Variants in ACAT2 observed in about 807,000 individuals in gnomAD.
The protein encoded by ACAT2 is acetyl-CoA acetyltransferase 2, also known as acetyl-CoA acetyltransferase, cytosolic.
A neutral mutation model predicts 37.1 loss-of-function variants in ACAT2; 26 were observed. The observed-to-expected ratio is 0.70, with a 90% CI of 0.51 to 0.97. The LOEUF (loss-of-function observed/expected upper bound fraction) is 0.97. Among genes scored for constraint, ACAT2 ranks in the 50% least tolerant of loss-of-function variants. ACAT2 has a pLI of 0.00. For missense variants in ACAT2, 468 were observed against 489.0 expected (o/e 0.96, Z 0.40); for synonymous variants, 156 against 163.6 (o/e 0.95, Z 0.35).
intron 2 of ACAT2, among the ~76,000 whole-genome samples, chr6:159,764,609 TA>T (rs1233770044): frequency 6.6e-6 from 1 of 152,108 alleles, no homozygotes; most frequent in African/African-American, 2.4e-5. Context: ...CACACCTGGC[TA>T]ATTTTTTAAA....
chr6:159,778,398 G>A (rs1234774306), intron 8 of ACAT2, 118 bp downstream of exon 8: 3 of 581,140 alleles, frequency 5.2e-6, no homozygotes, highest in South Asian at 2.6e-5. Context: ...TAGTTACTAG[G>A]ACTGAGTTCA....
At chr6:159,763,347 G>T (rs759581687) in intron 2 of ACAT2, among the ~76,000 whole-genome samples, 3 of 151,866 alleles carry the variant, frequency 2.0e-5, no homozygotes, top group Non-Finnish European at 2.9e-5. Context: ...GAGTCCAGAA[G>T]TTTGAGACTA....
At chr6:159,773,341 T>C (rs1780366717) in intron 4 of ACAT2, among the ~76,000 whole-genome samples, 2 of 152,152 alleles carry the variant, frequency 1.3e-5, no homozygotes, top group Non-Finnish European at 2.9e-5. Context: ...CTAGAAACAA[T>C]GACAAACCAG....
At position 159,768,591 on chromosome 6, in the gene ACAT2, T is replaced by G. The variant is rs1583127027; in HGVS notation, c.453T>G (p.Leu151=). 1.2e-6 allele frequency: 2 copies of G among 1,613,434 alleles called. No individual in the cohort carries two copies. The highest frequency in any genetic ancestry group is 1.7e-6 in the Non-Finnish European group (2 of 1,179,360). The change falls in exon 4 of 9, where the codon CTT becomes CTG. Residue 151 remains leucine, a synonymous_variant. Transcript: ENST00000367048. ...CTGACAGTATACTCTGTGATGGTCT[T>G]ACAGATGCATTTCACAACTGTCATA... ...PLTDSILCDG[L]TDAFHNCHMG... is the part of the protein sequence containing the mutation.
intron 4 of ACAT2, among the ~76,000 whole-genome samples, chr6:159,773,470 G>T (rs1212045600): frequency 1.3e-5 from 2 of 152,162 alleles, no homozygotes; most frequent in Non-Finnish European, 2.9e-5. Context: ...AAAAAATTAA[G>T]GACATGCTCA....
At chr6:159,762,532 GC>G (rs1780165413) in intron 1 of ACAT2, 1 of 1,304,938 alleles carries the variant, frequency 7.7e-7, no homozygotes, top group Non-Finnish European at 9.9e-7. Flanking sequence ...CCGGCTTTGG[GC>G]TGGGGTCGGG....
At position 159,778,878 on chromosome 6, in the gene ACAT2, A is replaced by G. The variant is rs1204584263; in HGVS notation, c.*49A>G. ...CAATTTCTTTTTAAACTAATAAAGT[A>G]CTAGGTTGCAATATGTGAAATCAGA... On this transcript the variant is annotated 3_prime_UTR_variant, in exon 9 of 9. Transcript: ENST00000367048. 3.7e-6 allele frequency: 6 copies of G among 1,610,020 alleles called. No individual in the cohort carries two copies. The highest frequency in any genetic ancestry group is 1.3e-5 in the African/African-American group (1 of 74,998).
rs781650973 is a variant in ACAT2 at position 159,778,995 on chromosome 6, G to A, written c.*166G>A. The A allele has an allele frequency of 6.9e-5, 109 of 1,581,788 alleles. No individual in the cohort carries two copies. The highest frequency in any genetic ancestry group is 9.0e-5 in the East Asian group (4 of 44,580). On this transcript the variant is annotated 3_prime_UTR_variant, in exon 9 of 9. Transcript: ENST00000367048. ...CTTTAATGTGTAATACTCAACTCAA[G>A]GTACAAGACAATTGCATTTAACATT...
chr6:159,767,135 G>T lies in ACAT2; in HGVS notation c.321G>T (p.Gly107=). The T allele has an allele frequency of 6.2e-7, 1 of 1,614,228 alleles. No individual in the cohort carries two copies. The highest frequency in any genetic ancestry group is 8.5e-7 in the Non-Finnish European group (1 of 1,180,032). ...TGTGCCTTGCAGTCCAGTCAATAGG[G>T]ATAGGAGACTCCAGCATTGTGGTTG... ...KAVCLAVQSI[G]IGDSSIVVAG... is the part of the protein sequence containing the mutation. Residue 107 remains glycine (G), a synonymous_variant, in exon 3 of 9, where the codon GGG becomes GGT. Coordinates refer to ENST00000367048, the MANE Select transcript of ACAT2 (RefSeq NM_005891.3).
At chr6:159,767,262 C>T in intron 3 of ACAT2, 76 bp downstream of exon 3, 1 of 1,471,960 alleles carries the variant, frequency 6.8e-7, no homozygotes, top group Non-Finnish European at 9.4e-7. Context: ...ACAGAGTAAA[C>T]AGATGCATAG....
intron 2 of ACAT2, 37 bp from the exon 3 acceptor site, chr6:159,766,968 C>T (rs1345680941): frequency 1.2e-6 from 2 of 1,609,566 alleles, no homozygotes; most frequent in Admixed American, 3.3e-5. Context: ...TGTCTTTCTC[C>T]TTGATTGCTA....
rs755181203 is a variant in ACAT2, at chr6:159,778,753, T to C, written c.1118T>C (p.Met373Thr). Residue 373 changes from methionine (M) to threonine (T), a missense_variant, in exon 9 of 9, where the codon ATG becomes ACG. Coordinates refer to ENST00000367048, the MANE Select transcript of ACAT2 (RefSeq NM_005891.3). ...LVTLLHTLER[M>T]GRSRGVAALC... ...ACCCTGTTACACACACTGGAGAGAATGGGCAGAAGTCGTGGTGTTGCAGCC... is the reference window on the plus strand; with the variant it reads ...ACCCTGTTACACACACTGGAGAGAACGGGCAGAAGTCGTGGTGTTGCAGCC... The C allele has an allele frequency of 2.5e-6, 4 of 1,614,226 alleles. No individual in the cohort carries two copies. Among genetic ancestry groups the C allele is most frequent in the Admixed American group, 3.3e-5 (2 of 60,028 alleles).
intron 3 of ACAT2, among the ~76,000 whole-genome samples, chr6:159,767,593 AG>A (rs1780274423): frequency 6.6e-6 from 1 of 152,230 alleles, no homozygotes; most frequent in African/African-American, 2.4e-5. Context: ...TGACCTTTTC[AG>A]GGTATAGAAC....
At chr6:159,773,407 G>A (rs1430472349) in intron 4 of ACAT2, among the ~76,000 whole-genome samples, 1 of 152,126 alleles carries the variant, frequency 6.6e-6, no homozygotes, top group Non-Finnish European at 1.5e-5. Context: ...CCACTAAAAG[G>A]AACTAAGGTT....
chr6:159,766,967 C>T (rs779908735), intron 2 of ACAT2, 38 bp from the exon 3 acceptor site: 1 of 1,609,462 alleles, frequency 6.2e-7, no homozygotes, highest in South Asian at 1.1e-5. Context: ...TTGTCTTTCT[C>T]CTTGATTGCT....
intron 5 of ACAT2, chr6:159,775,725 C>T (rs184359169): frequency 1.0e-5 from 2 of 198,274 alleles, no homozygotes; most frequent in Admixed American, 1.1e-4. Context: ...TTTGGGGTCA[C>T]TCGCTATTTT....
chr6:159,766,974 T>C (rs768054664), intron 2 of ACAT2, 31 bp from the exon 3 acceptor site: 4 of 1,610,530 alleles, frequency 2.5e-6, no homozygotes, highest in Non-Finnish European at 2.5e-6. Flanking sequence ...TCTCCTTGAT[T>C]GCTAAGAGTC....
chr6:159,767,946 T>G (rs1047457364), intron 3 of ACAT2, among the ~76,000 whole-genome samples: 1 of 152,204 alleles, frequency 6.6e-6, no homozygotes, highest in Non-Finnish European at 1.5e-5. Flanking sequence ...CATTCCCAGT[T>G]TACAGGTAAG....
In ACAT2 at chr6:159,778,214, A is replaced by C. The variant is rs1350512309; in HGVS notation, c.957A>C (p.Glu319Asp). Residue 319 changes from glutamate to aspartate, a missense_variant, in exon 8 of 9, where the codon GAA (glutamate) becomes GAC (aspartate). Physicochemically the swap from Glu to Asp is conservative, Grantham distance 45. Coordinates refer to ENST00000367048, the MANE Select transcript of ACAT2 (RefSeq NM_005891.3). ...GWSLEDVDIFEINEAFAAVSA... is the reference protein window; with the variant it reads ...GWSLEDVDIFDINEAFAAVSA... ...CACTGGAAGATGTTGACATATTTGA[A>C]ATCAATGAAGCCTTTGCAGCTGTCT... The C allele has an allele frequency of 6.2e-7, 1 of 1,612,890 alleles. No homozygotes were observed.
Sources: allele counts gnomAD v4.1 joint callset (sites outside exome capture counted in the v4.1 genomes callset), GRCh38; gene constraint gnomAD v4.1.1; transcripts MANE v1.5; gene names NCBI Gene and HGNC (gene_info 2026-07-23, HGNC 2026-07-21).